TMEM245: variants seen among roughly 807,000 people sequenced by gnomAD.
TMEM245 encodes the protein transmembrane protein 245, also known as protein CG-2.
In TMEM245, 69 loss-of-function variants were observed where a neutral mutation model predicts 101.2. The observed-to-expected ratio is 0.68, with a 90% CI of 0.56 to 0.83. The LOEUF is 0.83. Ranked by LOEUF, TMEM245 falls within the 40% of genes least tolerant of loss-of-function variation. The pLI, the probability that TMEM245 is intolerant of heterozygous loss-of-function variation, is 0.00. For synonymous variants in TMEM245, 537 were observed against 449.8 expected (o/e 1.19, Z -2.45); for missense variants, 1,075 against 1,092.8 (o/e 0.98, Z 0.23).
chr9:109,032,365 CTTTTTTTTTTTTTTTTTTTTTTTTT>C (rs755399182), intron 17 of TMEM245, among the ~76,000 whole-genome samples: 6 of 40,960 alleles, frequency 1.5e-4, no homozygotes, highest in Non-Finnish European at 2.7e-4. Context: ...ATTTCTTTTC[CTTTTTTTTTTTTTTTTTTTTTTTTT>C]TTTTTTTTTT....
chr9:109,043,653 T>C (rs1190170675), intron 14 of TMEM245, among the ~76,000 whole-genome samples: 1 of 152,166 alleles, frequency 6.6e-6, no homozygotes, highest in Non-Finnish European at 1.5e-5. Flanking sequence ...GTAGCTCAGA[T>C]GGACGTGATT....
At chr9:109,088,332 A>G (rs1829899976) in intron 5 of TMEM245, among the ~76,000 whole-genome samples, 1 of 152,212 alleles carries the variant, frequency 6.6e-6, no homozygotes, top group Admixed American at 6.5e-5. Context: ...GTCCAGGGTA[A>G]TTACAAGCTG....
chr9:109,091,858 T>TA (rs1830015639), intron 4 of TMEM245, among the ~76,000 whole-genome samples: 1 of 152,160 alleles, frequency 6.6e-6, no homozygotes, highest in South Asian at 2.1e-4. Context: ...ATAAAACTCT[T>TA]AAAGTAGTAT....
chr9:109,094,441 A>G (rs879279410), intron 3 of TMEM245, among the ~76,000 whole-genome samples: 3 of 152,246 alleles, frequency 2.0e-5, no homozygotes, highest in Admixed American at 6.5e-5. Flanking sequence ...GAAGTGGCAC[A>G]CTGTAATTTG....
In TMEM245 at chr9:109,015,489, G is replaced by C. The variant is rs111885439; in HGVS notation, c.*4971C>G. The stretch of plus-strand genomic sequence containing the variant: ...TTTCTTTGGGATGGCTACAATGAGA[G>C]TTACATCTGCTGGGTCTCTGCAATA... On this transcript the variant is annotated 3_prime_UTR_variant, in exon 18 of 18. Transcript: ENST00000374586. 9.8e-4 allele frequency: 150 copies of C among 152,540 alleles called. 1 individual carries two copies. Among genetic ancestry groups the C allele is most frequent in the African/African-American group, 3.4e-3 (140 of 41,558 alleles). 9.4% of individuals were successfully genotyped at this position (152,540 alleles called of 1,614,324 possible). A position where few individuals can be genotyped will look rare whatever the true frequency, so the allele number is the denominator to read the frequency against.
At chr9:109,053,562 A>T (rs991448687) in intron 12 of TMEM245, among the ~76,000 whole-genome samples, 5 of 152,244 alleles carry the variant, frequency 3.3e-5, no homozygotes, top group Admixed American at 2.0e-4. Flanking sequence ...CAAAAAGCCC[A>T]AGAGACTTAC....
At chr9:109,032,655 TG>T (rs1461748801) in intron 17 of TMEM245, among the ~76,000 whole-genome samples, 3 of 151,810 alleles carry the variant, frequency 2.0e-5, no homozygotes, top group Non-Finnish European at 4.4e-5. Context: ...CCCAAACTGC[TG>T]GGATTACAGG....
At chr9:109,098,088 A>G (rs1240768706) in intron 3 of TMEM245, among the ~76,000 whole-genome samples, 1 of 152,074 alleles carries the variant, frequency 6.6e-6, no homozygotes, top group East Asian at 1.9e-4. Context: ...TCCCCTTTCT[A>G]CTTTATAGTA....
chr9:109,089,946 C>T (rs1829949930), intron 5 of TMEM245, among the ~76,000 whole-genome samples: 1 of 152,170 alleles, frequency 6.6e-6, no homozygotes. Context: ...AACGTGCTTC[C>T]CTAAGAGTAG....
chr9:109,051,295 A>AACACACACACACACAC lies in TMEM245; in HGVS notation c.1855-619_1855-604dup, dbSNP rs67093439. On this transcript the variant is annotated intron_variant, in intron 12 of 17. Transcript: ENST00000374586. Reference sequence around the variant, plus strand: ...CAGCAAGAGCAAAACTCTGTCTCAAAACACACACACACACACACACACACA... The same window carrying AACACACACACACACAC: ...CAGCAAGAGCAAAACTCTGTCTCAAAACACACACACACACACACACACACACACACACACACACACA... Among the ~76,000 whole-genome samples the AACACACACACACACAC allele has an allele frequency of 6.2e-4, 84 of 135,232 alleles. 2 individuals are homozygous for AACACACACACACACAC. The highest frequency in any genetic ancestry group is 2.0e-3 in the South Asian group (8 of 3,968). The allele number at this position is 135,232 out of a possible 152,430, so 88.7% of individuals were successfully genotyped here.
intron 14 of TMEM245, among the ~76,000 whole-genome samples, chr9:109,040,689 C>T (rs1002888242): frequency 1.3e-5 from 2 of 152,222 alleles, no homozygotes; most frequent in Non-Finnish European, 2.9e-5. Flanking sequence ...AGTACATTCA[C>T]GTTGTCGTGT....
Position 109,102,560 on chromosome 9 carries a change from C to G in TMEM245, c.799+3948G>C, listed in dbSNP as rs140948700. ...CATTGACACAGAAAGTTCCTCATGACATAATTAAGTTTAAAATGTGGGTTA... is the reference window on the plus strand; with the variant it reads ...CATTGACACAGAAAGTTCCTCATGAGATAATTAAGTTTAAAATGTGGGTTA... On this transcript the variant is annotated intron_variant, in intron 3 of 17. Coordinates refer to ENST00000374586, the MANE Select transcript of TMEM245 (RefSeq NM_032012.4). 7.1e-3 allele frequency among the ~76,000 whole-genome samples: 1,075 copies of G among 152,222 alleles called. 12 individuals carry two copies. Among genetic ancestry groups the G allele is most frequent in the African/African-American group, 0.025 (1,018 of 41,546 alleles).
In TMEM245 at chr9:109,088,678, G is replaced by A. The variant is rs150845432; in HGVS notation, c.1151-1336C>T. Among the ~76,000 whole-genome samples the A allele has an allele frequency of 3.8e-3, 578 of 151,976 alleles. 2 individuals are homozygous for A. The highest frequency in any genetic ancestry group is 0.027 in the Middle Eastern group (8 of 294). Reference sequence around the variant, plus strand: ...TAAAAATACAAAAAATTAGCCAGGCGTTGTGGCAGGCACCTGTAGTCCCAG... The same window carrying A: ...TAAAAATACAAAAAATTAGCCAGGCATTGTGGCAGGCACCTGTAGTCCCAG... On this transcript the variant is annotated intron_variant, in intron 5 of 17. Coordinates refer to ENST00000374586, the MANE Select transcript of TMEM245 (RefSeq NM_032012.4).
chr9:109,103,586 T>C (rs1051801783), intron 3 of TMEM245, among the ~76,000 whole-genome samples: 1 of 152,018 alleles, frequency 6.6e-6, no homozygotes, highest in Non-Finnish European at 1.5e-5. Flanking sequence ...TGCAATAACA[T>C]GGATGGAACT....
At chr9:109,024,234 T>G (rs1176217586) in intron 17 of TMEM245, among the ~76,000 whole-genome samples, 2 of 152,232 alleles carry the variant, frequency 1.3e-5, no homozygotes, top group African/African-American at 4.8e-5. Flanking sequence ...GGCACCAGCA[T>G]ACAATCCTGT....
At chr9:109,055,338 A>G (rs901985763) in intron 12 of TMEM245, among the ~76,000 whole-genome samples, 2 of 148,712 alleles carry the variant, frequency 1.3e-5, no homozygotes, top group South Asian at 2.1e-4. Flanking sequence ...GGTCCAGGAT[A>G]CTGGGTGGAA....
chr9:109,071,263 C>T (rs1468233724), intron 9 of TMEM245, among the ~76,000 whole-genome samples: 2 of 151,960 alleles, frequency 1.3e-5, no homozygotes, highest in African/African-American at 2.4e-5. Context: ...TAATATTCCA[C>T]TGCATAAATA....
chr9:109,119,854 C>T lies in TMEM245; in HGVS notation c.60G>A (p.Ala20=). Residue 20 remains alanine (A), a synonymous_variant, in exon 1 of 18, where the codon GCG becomes GCA. Transcript: ENST00000374586. ...APSLRSSPGP[A]PRVPRAVGPS... Reference sequence around the variant, plus strand: ...GCCCGACCGCGCGCGGGACCCGCGGCGCCGGCCCGGGAGAGCTCCGCAGGC... The same window carrying T: ...GCCCGACCGCGCGCGGGACCCGCGGTGCCGGCCCGGGAGAGCTCCGCAGGC... 3 of 1,328,858 alleles carry T rather than the reference C, an allele frequency of 2.3e-6. No homozygotes were observed. The highest frequency in any genetic ancestry group is 2.9e-6 in the Non-Finnish European group (3 of 1,049,906). 82.3% of individuals were successfully genotyped at this position (1,328,858 alleles called of 1,614,324 possible). A position where few individuals can be genotyped will look rare whatever the true frequency, so the allele number is the denominator to read the frequency against.
intron 3 of TMEM245, among the ~76,000 whole-genome samples, chr9:109,100,641 AT>A (rs1830261160): frequency 6.6e-6 from 1 of 152,334 alleles, no homozygotes; most frequent in East Asian, 1.9e-4. Flanking sequence ...AGCATGAGCC[AT>A]TATGCCTGGC....
Sources: gnomAD v4.1 joint callset for allele counts (sites outside exome capture counted in the v4.1 genomes callset) on GRCh38, gnomAD v4.1.1 for gene constraint, MANE v1.5 for transcripts, NCBI Gene and HGNC (gene_info 2026-07-23, HGNC 2026-07-21) for gene names.